The following PPFIA2 variants were observed in gnomAD, a reference collection of about 807,000 sequenced individuals.
PPFIA2 encodes PPFI scaffold protein A2, also known as liprin-alpha-2.
In PPFIA2, 46 loss-of-function variants were observed where a neutral mutation model predicts 175.5. That is an observed-to-expected ratio of 0.26 (90% CI 0.21 to 0.34). The LOEUF is 0.34. Among genes scored for constraint, PPFIA2 ranks in the 10% least tolerant of loss-of-function variants. The probability of loss-of-function intolerance (pLI) is 1.00; values close to 1 mark genes in which losing one functional copy is unlikely to be tolerated. For synonymous variants in PPFIA2, 568 were observed against 511.4 expected (o/e 1.11, Z -1.49); for missense variants, 1,179 against 1,506.1 (o/e 0.78, Z 3.60).
intron 4 of PPFIA2, among the ~76,000 whole-genome samples, chr12:81,492,042 A>G (rs2059473574): frequency 6.6e-6 from 1 of 152,018 alleles, no homozygotes; most frequent in African/African-American, 2.4e-5. Flanking sequence ...ATAATCTTTC[A>G]ATTTTTATTC....
chr12:81,514,506 T>C (rs2062167936), intron 4 of PPFIA2, among the ~76,000 whole-genome samples: 1 of 151,936 alleles, frequency 6.6e-6, no homozygotes, highest in South Asian at 2.1e-4. Flanking sequence ...GAGTGCTTTT[T>C]TTAAAATTAG....
chr12:81,725,067 C>A (rs752089354), intron 3 of PPFIA2, among the ~76,000 whole-genome samples: 3 of 150,992 alleles, frequency 2.0e-5, no homozygotes, highest in Non-Finnish European at 4.5e-5. Context: ...ATTTGCATTT[C>A]TCTGATGATT....
In PPFIA2 at chr12:81,391,207, T is replaced by C. The variant is rs1339451887; in HGVS notation, c.763-6963A>G. On this transcript the variant is annotated intron_variant, in intron 8 of 32. Coordinates refer to ENST00000549396, the MANE Select transcript of PPFIA2 (RefSeq NM_003625.5). ...CAGAAAGCAGAGAATATCTTTGTGA[T>C]ATCCTTTGAGTTGGGTCTTCAAAGA... Among the ~76,000 whole-genome samples, 3 of 151,970 alleles carry C rather than the reference T, an allele frequency of 2.0e-5. No individual in the cohort carries two copies. In the East Asian group the frequency reaches 5.8e-4, roughly 29 times the overall value.
chr12:81,332,277 G>C (rs1594939252), intron 21 of PPFIA2, among the ~76,000 whole-genome samples: 1 of 151,910 alleles, frequency 6.6e-6, no homozygotes, highest in Non-Finnish European at 1.5e-5. Context: ...CACTTCCTTT[G>C]CTTCATAAGC....
chr12:81,440,017 T>C lies in PPFIA2; in HGVS notation c.600A>G (p.Glu200=). The C allele has an allele frequency of 6.2e-7, 1 of 1,602,794 alleles. No individual in the cohort carries two copies. The highest frequency in any genetic ancestry group is 8.5e-7 in the Non-Finnish European group (1 of 1,175,880). The part of the protein sequence containing the change: ...KVRERLRVSL[E]RVSALEEELA... ...GTTCTTCTTCCAGTGCAGAGACTCT[T>C]TCTAAAGAAACCCTCAGTCGCTCCC... The change falls in exon 7 of 33, where the codon GAA becomes GAG. Residue 200 remains glutamate, a synonymous_variant. Transcript: ENST00000549396.
intron 18 of PPFIA2, among the ~76,000 whole-genome samples, chr12:81,346,759 T>C (rs889551347): frequency 6.6e-6 from 1 of 151,850 alleles, no homozygotes; most frequent in African/African-American, 2.4e-5. Context: ...ATGTTATATA[T>C]TGAAAAGTTA....
At chr12:81,635,920 T>TCTCACA (rs374588850) in intron 4 of PPFIA2, among the ~76,000 whole-genome samples, 4 of 150,734 alleles carry the variant, frequency 2.7e-5, no homozygotes, top group African/African-American at 7.3e-5. Flanking sequence ...TCTCTCTCTC[T>TCTCACA]CACACACACA....
intron 21 of PPFIA2, among the ~76,000 whole-genome samples, chr12:81,330,772 C>T (rs751420326): frequency 6.6e-6 from 1 of 152,176 alleles, no homozygotes; most frequent in Non-Finnish European, 1.5e-5. Flanking sequence ...GAACTGTCTT[C>T]ATCATTAATA....
At chr12:81,558,790 C>T (rs1473790672) in intron 4 of PPFIA2, among the ~76,000 whole-genome samples, 1 of 152,100 alleles carries the variant, frequency 6.6e-6, no homozygotes, top group African/African-American at 2.4e-5. Flanking sequence ...TCCACTCTGG[C>T]TGGAGTGGCC....
At chr12:81,315,494 T>G (rs1395745257) in intron 22 of PPFIA2, among the ~76,000 whole-genome samples, 1 of 151,230 alleles carries the variant, frequency 6.6e-6, no homozygotes, top group Non-Finnish European at 1.5e-5. Context: ...AGGATAGAGG[T>G]TAAATAAAGA....
At chr12:81,649,067 A>C (rs2066616057) in intron 4 of PPFIA2, among the ~76,000 whole-genome samples, 1 of 152,096 alleles carries the variant, frequency 6.6e-6, no homozygotes, top group African/African-American at 2.4e-5. Context: ...TTTAGAGAAA[A>C]ATTTCTATAT....
In PPFIA2 at chr12:81,626,670, A is replaced by G. The variant is rs940958088; in HGVS notation, c.303+50121T>C. 3.3e-5 allele frequency among the ~76,000 whole-genome samples: 5 copies of G among 152,030 alleles called. No individual in the cohort carries two copies. In the East Asian group the frequency reaches 9.6e-4, roughly 29 times the overall value. On this transcript the variant is annotated intron_variant, in intron 4 of 32. Coordinates refer to ENST00000549396, the MANE Select transcript of PPFIA2 (RefSeq NM_003625.5). ...ATAAGGTGATGCTATTATAAAGGAC[A>G]CCTGCTTCCAGAAATTCAATTAGAG...
At chr12:81,561,962 A>G (rs757689326) in intron 4 of PPFIA2, among the ~76,000 whole-genome samples, 1 of 152,222 alleles carries the variant, frequency 6.6e-6, no homozygotes, top group African/African-American at 2.4e-5. Flanking sequence ...CTTTCTTTTA[A>G]CCTTAACAAA....
intron 24 of PPFIA2, among the ~76,000 whole-genome samples, chr12:81,293,928 A>G (rs1038802850): frequency 2.0e-5 from 3 of 152,202 alleles, no homozygotes; most frequent in Non-Finnish European, 4.4e-5. Context: ...AATAAAATGT[A>G]TATACACACC....
intron 4 of PPFIA2, among the ~76,000 whole-genome samples, chr12:81,477,480 C>T (rs559606795): frequency 6.6e-6 from 1 of 152,204 alleles, no homozygotes; most frequent in Non-Finnish European, 1.5e-5. Context: ...GGTCTTGTGC[C>T]GGTCTTCAAA....
At chr12:81,644,766 AAG>A (rs1204832279) in intron 4 of PPFIA2, among the ~76,000 whole-genome samples, 1 of 152,108 alleles carries the variant, frequency 6.6e-6, no homozygotes, top group African/African-American at 2.4e-5. Context: ...TGTTCTATGT[AAG>A]CATAGTGCTC....
intron 3 of PPFIA2, among the ~76,000 whole-genome samples, chr12:81,702,719 A>T (rs917660064): frequency 2.0e-5 from 3 of 152,106 alleles, no homozygotes; most frequent in Admixed American, 1.3e-4. Context: ...GTGCCCTAAA[A>T]ATTCATATTT....
chr12:81,530,926 T>C (rs1594570681), intron 4 of PPFIA2, among the ~76,000 whole-genome samples: 1 of 151,962 alleles, frequency 6.6e-6, no homozygotes. Context: ...AATCTTACTA[T>C]GTTTGTATGC....
At chr12:81,321,560 GTGACT>G (rs1479204850) in intron 22 of PPFIA2, among the ~76,000 whole-genome samples, 2 of 151,964 alleles carry the variant, frequency 1.3e-5, no homozygotes, top group East Asian at 3.9e-4. Context: ...TTGAAAGTCT[GTGACT>G]AACCAAATCT....
Sources: allele counts gnomAD v4.1 joint callset (sites outside exome capture counted in the v4.1 genomes callset), GRCh38; gene constraint gnomAD v4.1.1; transcripts MANE v1.5; gene names NCBI Gene and HGNC (gene_info 2026-07-23, HGNC 2026-07-21).